SNCAIP: variants seen among roughly 807,000 people sequenced by gnomAD.
SNCAIP encodes the protein synphilin-1.
SNCAIP carries 43 observed loss-of-function variants against 86.7 expected under a neutral mutation model. That is an observed-to-expected ratio of 0.50 (90% CI 0.39 to 0.64). The LOEUF (loss-of-function observed/expected upper bound fraction) is 0.64, where lower values mean the gene tolerates loss of function less well. Among genes scored for constraint, SNCAIP ranks in the 30% least tolerant of loss-of-function variants. The pLI is 0.00. For missense variants in SNCAIP, 981 were observed against 1,103.1 expected (o/e 0.89, Z 1.57); for synonymous variants, 417 against 427.2 (o/e 0.98, Z 0.29).
chr5:122,404,010 T>G (rs1290303273), intron 3 of SNCAIP, 145 bp downstream of exon 3: 3 of 695,338 alleles, frequency 4.3e-6, no homozygotes, highest in East Asian at 5.4e-5. Context: ...CCCCACCTCA[T>G]GCCCTGCCTT....
In SNCAIP at chr5:122,423,739, G is replaced by C. The variant is rs1776844772; in HGVS notation, c.1002G>C (p.Leu334=). The C allele has an allele frequency of 6.3e-7, 1 of 1,599,212 alleles. No homozygotes were observed. Among genetic ancestry groups the C allele is most frequent in the South Asian group, 1.1e-5 (1 of 90,946 alleles). Residue 334 remains leucine (L), a splice_region_variant and synonymous_variant, in exon 4 of 11, where the codon CTG becomes CTC. Coordinates refer to ENST00000261368, the MANE Select transcript of SNCAIP (RefSeq NM_005460.4). ...TTAAAGAAGGACAGATCTCTCTCCT[G>C]GTAAGTATAATCTAGTTCAGTATAC... ...NIVKEGQISL[L]PHLAADNLDK...
At chr5:122,313,510 A>G (rs982234398) in intron 1 of SNCAIP, among the ~76,000 whole-genome samples, 5 of 152,244 alleles carry the variant, frequency 3.3e-5, no homozygotes, top group Non-Finnish European at 7.3e-5. Flanking sequence ...GAAGGGAAAA[A>G]CCTATTTTTC....
At chr5:122,320,504 C>T (rs193093111) in intron 1 of SNCAIP, among the ~76,000 whole-genome samples, 3 of 152,168 alleles carry the variant, frequency 2.0e-5, no homozygotes, top group East Asian at 1.9e-4. Context: ...CGAAATAAAG[C>T]GTGGTAAGTG....
At chr5:122,449,575 AATAATT>A (rs1169493660) in intron 8 of SNCAIP, among the ~76,000 whole-genome samples, 2 of 152,152 alleles carry the variant, frequency 1.3e-5, no homozygotes, top group African/African-American at 4.8e-5. Flanking sequence ...TCATTATAGA[AATAATT>A]ATAATTTGTT....
intron 1 of SNCAIP, chr5:122,321,347 A>G (rs964011859): frequency 2.0e-5 from 3 of 152,100 alleles, no homozygotes; most frequent in East Asian, 1.9e-4. Context: ...CCACATTCCA[A>G]TGTGGCCACA....
intron 6 of SNCAIP, among the ~76,000 whole-genome samples, chr5:122,437,996 G>T (rs1309941898): frequency 6.6e-6 from 1 of 152,078 alleles, no homozygotes; most frequent in Admixed American, 6.6e-5. Context: ...TGTGTATGTG[G>T]AATAGACATA....
chr5:122,388,450 AG>A (rs1169213349), intron 1 of SNCAIP: 2 of 152,352 alleles, frequency 1.3e-5, no homozygotes, highest in African/African-American at 4.8e-5. Flanking sequence ...AGGTGTCAGA[AG>A]AGCAGGATGA....
At chr5:122,335,838 C>A (rs139708345) in intron 1 of SNCAIP, among the ~76,000 whole-genome samples, 7 of 152,324 alleles carry the variant, frequency 4.6e-5, no homozygotes, top group South Asian at 4.1e-4. Flanking sequence ...GAAGGTGGCT[C>A]TTTCTAGCCC....
At chr5:122,418,080 C>A (rs1775659317) in intron 3 of SNCAIP, among the ~76,000 whole-genome samples, 1 of 152,010 alleles carries the variant, frequency 6.6e-6, no homozygotes, top group South Asian at 2.1e-4. Context: ...GAGAAGACAG[C>A]CAAGAGCATT....
chr5:122,423,110 G>C lies in SNCAIP; in HGVS notation c.373G>C (p.Gly125Arg), dbSNP rs1202447814. The C allele has an allele frequency of 6.2e-7, 1 of 1,614,154 alleles. No homozygotes were observed. The highest frequency in any genetic ancestry group is 8.5e-7 in the Non-Finnish European group (1 of 1,180,022). ...PQPQELGPGD[G>R]VGGPPGKSSE... is the part of the protein sequence containing the mutation. Reference sequence around the variant, plus strand: ...GCCTCAGGAGCTTGGCCCTGGAGATGGAGTGGGCGGCCCACCAGGTAAGAG... The same window carrying C: ...GCCTCAGGAGCTTGGCCCTGGAGATCGAGTGGGCGGCCCACCAGGTAAGAG... The change falls in exon 4 of 11, where the codon GGA becomes CGA. Residue 125 changes from glycine to arginine, a missense_variant. Physicochemically the swap from Gly to Arg is moderately radical, Grantham distance 125. Transcript: ENST00000261368.
chr5:122,428,933 T>A (rs2152938098), intron 5 of SNCAIP, among the ~76,000 whole-genome samples: 1 of 152,294 alleles, frequency 6.6e-6, no homozygotes, highest in South Asian at 2.1e-4. Context: ...CATCCTTTTT[T>A]ATGGAAGTCT....
chr5:122,440,961 G>A, intron 7 of SNCAIP: 1 of 560,998 alleles, frequency 1.8e-6, no homozygotes, highest in South Asian at 2.0e-5. Context: ...CTCTTTCAGT[G>A]TCCCAGGGTG....
intron 1 of SNCAIP, among the ~76,000 whole-genome samples, chr5:122,364,670 A>G (rs1451775266): frequency 6.6e-6 from 1 of 152,258 alleles, no homozygotes; most frequent in Admixed American, 6.5e-5. Flanking sequence ...TGCAGTCAAC[A>G]GCCAATTTGA....
chr5:122,327,405 T>C (rs1455103815), intron 1 of SNCAIP, among the ~76,000 whole-genome samples: 4 of 152,172 alleles, frequency 2.6e-5, no homozygotes, highest in African/African-American at 7.2e-5. Flanking sequence ...TCTGGTACTG[T>C]ATGGTTTGGC....
rs141836984 is a variant in SNCAIP at position 122,423,118 on chromosome 5, C to T, written c.381C>T (p.Gly127=). The change falls in exon 4 of 11, where the codon GGC becomes GGT. Residue 127 remains glycine, a synonymous_variant. Transcript: ENST00000261368. The part of the protein sequence containing the change: ...PQELGPGDGV[G]GPPGKSSEPS... ...AGCTTGGCCCTGGAGATGGAGTGGG[C>T]GGCCCACCAGGTAAGAGCTCTGAGC... The T allele has an allele frequency of 8.1e-6, 13 of 1,613,956 alleles. No individual in the cohort carries two copies. The highest frequency in any genetic ancestry group is 2.2e-5 in the South Asian group (2 of 91,080).
At position 122,403,417 on chromosome 5, in the gene SNCAIP, C is replaced by T. The variant is rs191142232; in HGVS notation, c.58-376C>T. Among the ~76,000 whole-genome samples the T allele has an allele frequency of 1.9e-3, 295 of 152,248 alleles. 1 individual carries two copies. The highest frequency in any genetic ancestry group is 6.6e-3 in the African/African-American group (275 of 41,566). ...CCGTACTTGGCTTTTCGTACACAAG[C>T]TCACCCTTAGGATTCAGAATGCAAT... On this transcript the variant is annotated intron_variant, in intron 2 of 10. Coordinates refer to ENST00000261368, the MANE Select transcript of SNCAIP (RefSeq NM_005460.4).
At chr5:122,442,112 CTTTTTTTTTT>C (rs10688988) in intron 7 of SNCAIP, among the ~76,000 whole-genome samples, 2 of 65,732 alleles carry the variant, frequency 3.0e-5, no homozygotes, top group African/African-American at 5.8e-5. Context: ...AAGCAGTACT[CTTTTTTTTTT>C]TTTTTTTTTT....
At chr5:122,345,281 T>C (rs978506580) in intron 1 of SNCAIP, among the ~76,000 whole-genome samples, 2 of 152,206 alleles carry the variant, frequency 1.3e-5, no homozygotes, top group African/African-American at 2.4e-5. Context: ...CCTATTTAGC[T>C]CTTTCAAAGA....
At chr5:122,440,112 T>C (rs1423982903) in intron 6 of SNCAIP, among the ~76,000 whole-genome samples, 1 of 152,244 alleles carries the variant, frequency 6.6e-6, no homozygotes, top group African/African-American at 2.4e-5. Flanking sequence ...ACCTGTTTTT[T>C]ATAAGCCTGT....
Sources: gnomAD v4.1 joint callset for allele counts (sites outside exome capture counted in the v4.1 genomes callset) on GRCh38, gnomAD v4.1.1 for gene constraint, MANE v1.5 for transcripts, NCBI Gene and HGNC (gene_info 2026-07-23, HGNC 2026-07-21) for gene names.